DCAF5: variants seen among roughly 807,000 people sequenced by gnomAD.
DCAF5 encodes the protein DDB1- and CUL4-associated factor 5.
A neutral mutation model predicts 80.7 loss-of-function variants in DCAF5; 9 were observed. That is an observed-to-expected ratio of 0.11 (90% CI 0.07 to 0.19). The LOEUF (loss-of-function observed/expected upper bound fraction) is 0.19. Among genes scored for constraint, DCAF5 ranks in the 10% least tolerant of loss-of-function variants. The pLI, the probability that DCAF5 is intolerant of heterozygous loss-of-function variation, is 1.00. For missense variants in DCAF5, 842 were observed against 1,205.7 expected (o/e 0.70, Z 4.47); for synonymous variants, 433 against 461.9 (o/e 0.94, Z 0.80).
intron 5 of DCAF5, among the ~76,000 whole-genome samples, chr14:69,097,342 ATCACC>A (rs2039757979): frequency 1.3e-5 from 2 of 152,110 alleles, no homozygotes; most frequent in South Asian, 4.1e-4. Context: ...AAAAACCAAA[ATCACC>A]TCTAGTTGGC....
At position 69,122,284 on chromosome 14, in the gene DCAF5, T is replaced by A. The variant is rs756945340; in HGVS notation, c.291A>T (p.Lys97Asn). ...IHSRVKPIQL[K>N]GEHHSNIFCL... ...AAAAAATGTTGGAATGGTGCTCTCC[T>A]TTCAGCTGTATGGGCTTGACCCTGG... Residue 97 changes from lysine (K) to asparagine (N), a missense_variant, in exon 2 of 9, where the codon AAA (lysine) becomes AAT (asparagine). By Grantham distance (94) the Lys-to-Asn change is moderately conservative. Transcript: ENST00000341516. The A allele has an allele frequency of 2.2e-5, 35 of 1,613,958 alleles. No individual in the cohort carries two copies. The highest frequency in any genetic ancestry group is 2.9e-5 in the Non-Finnish European group (34 of 1,179,968).
chr14:69,104,008 G>A (rs2040050726), intron 5 of DCAF5, among the ~76,000 whole-genome samples: 1 of 152,150 alleles, frequency 6.6e-6, no homozygotes, highest in Admixed American at 6.5e-5. Context: ...TGAAGGACAT[G>A]TGAGTAGTTT....
At chr14:69,133,224 T>C (rs976941175) in intron 1 of DCAF5, among the ~76,000 whole-genome samples, 9 of 152,188 alleles carry the variant, frequency 5.9e-5, no homozygotes, top group East Asian at 1.9e-4. Context: ...AGAGTCATTG[T>C]TGGCATCTGA....
intron 4 of DCAF5, among the ~76,000 whole-genome samples, chr14:69,117,869 C>G (rs1162964315): frequency 6.6e-6 from 1 of 152,166 alleles, no homozygotes; most frequent in Non-Finnish European, 1.5e-5. Flanking sequence ...ACCACAACTT[C>G]TGCTCCTTGG....
chr14:69,130,373 G>T (rs144801049), intron 1 of DCAF5, among the ~76,000 whole-genome samples: 25 of 152,306 alleles, frequency 1.6e-4, no homozygotes, highest in Admixed American at 3.9e-4. Flanking sequence ...ACTTACATGA[G>T]GAATAGTCAA....
At position 69,053,595 on chromosome 14, in the gene DCAF5, A is replaced by ACTACGCT. The variant is rs2037829912; in HGVS notation, c.*255_*261dup. The stretch of plus-strand genomic sequence containing the variant: ...ACTTCCACAGAGCCTTGCGCGGCAC[A>ACTACGCT]CTACGCTCACGTCTCACTAGAAAGG... On this transcript the variant is annotated 3_prime_UTR_variant, in exon 9 of 9. Coordinates refer to ENST00000341516, the MANE Select transcript of DCAF5 (RefSeq NM_003861.3). 2.3e-5 allele frequency: 10 copies of ACTACGCT among 441,174 alleles called. No homozygotes were observed. Among genetic ancestry groups the ACTACGCT allele is most frequent in the Admixed American group, 8.2e-5 (2 of 24,292 alleles). 27.3% of individuals were successfully genotyped at this position (441,174 alleles called of 1,614,324 possible).
At chr14:69,109,762 T>C (rs895421840) in intron 5 of DCAF5, among the ~76,000 whole-genome samples, 2 of 152,266 alleles carry the variant, frequency 1.3e-5, no homozygotes, top group Non-Finnish European at 2.9e-5. Context: ...TTGTGGCTAT[T>C]ATAAATAAAG....
At position 69,105,925 on chromosome 14, in the gene DCAF5, ATATATATATATATATATAT is replaced by A. The variant is rs1452807580; in HGVS notation, c.665+10422_665+10440del. On this transcript the variant is annotated intron_variant, in intron 5 of 8. Transcript: ENST00000341516. ...CCCTAATAAACTGTCATATATATAT[ATATATATATATATATATAT>A]ATCTCCTATTGGTTCTGTTCCTCTG... Among the ~76,000 whole-genome samples, 4 of 78,136 alleles carry A rather than the reference ATATATATATATATATATAT, an allele frequency of 5.1e-5. 1 individual carries two copies. Among genetic ancestry groups the A allele is most frequent in the Admixed American group, 2.4e-4 (2 of 8,230 alleles). The allele number at this position is 78,136 out of a possible 152,430, so 51.3% of individuals were successfully genotyped here. A position where few individuals can be genotyped will look rare whatever the true frequency, so the allele number is the denominator to read the frequency against.
chr14:69,141,263 G>C (rs2041365655), intron 1 of DCAF5, among the ~76,000 whole-genome samples: 1 of 151,920 alleles, frequency 6.6e-6, no homozygotes, highest in Admixed American at 6.6e-5. Context: ...TAAGAGACTG[G>C]GGTTTTGGTT....
intron 5 of DCAF5, 143 bp from the exon 6 acceptor site, chr14:69,092,030 G>A (rs943624704): frequency 3.0e-6 from 2 of 671,284 alleles, no homozygotes; most frequent in African/African-American, 1.8e-5. Context: ...CTAGAATAAT[G>A]AGGGTAGCAA....
At chr14:69,130,041 T>C (rs2040995146) in intron 1 of DCAF5, among the ~76,000 whole-genome samples, 1 of 152,210 alleles carries the variant, frequency 6.6e-6, no homozygotes, top group Non-Finnish European at 1.5e-5. Context: ...ACTTAAAGAG[T>C]ACCCTTTCCC....
Position 69,152,525 on chromosome 14 carries a change from C to T in DCAF5, c.214+240G>A. The T allele has an allele frequency of 3.7e-6, 2 of 542,836 alleles. No homozygotes were observed. Among genetic ancestry groups the T allele is most frequent in the Admixed American group, 3.2e-5 (1 of 31,512 alleles). 33.6% of individuals were successfully genotyped at this position (542,836 alleles called of 1,614,324 possible). A position where few individuals can be genotyped will look rare whatever the true frequency, so the allele number is the denominator to read the frequency against. On this transcript the variant is annotated intron_variant, in intron 1 of 8. Coordinates refer to ENST00000341516, the MANE Select transcript of DCAF5 (RefSeq NM_003861.3). This position sits in a 1 kb window ranked among gnomAD's most constrained non-coding sequence, Gnocchi z 4.1. ...AGGCATCAGGAGAGATCACTTTGCACTTGGGATAAAGCGAATTAAGGAGCT... is the reference window on the plus strand; with the variant it reads ...AGGCATCAGGAGAGATCACTTTGCATTTGGGATAAAGCGAATTAAGGAGCT...
At position 69,137,569 on chromosome 14, in the gene DCAF5, T is replaced by A. The variant is rs575715086; in HGVS notation, c.214+15196A>T. On this transcript the variant is annotated intron_variant, in intron 1 of 8. Coordinates refer to ENST00000341516, the MANE Select transcript of DCAF5 (RefSeq NM_003861.3). ...CTTTGGCAATTCTAAAAAGACTGAA[T>A]CAGTGAAGGCCCTAACACTTCTAGG... 2.9e-4 allele frequency among the ~76,000 whole-genome samples: 44 copies of A among 152,248 alleles called. No individual in the cohort carries two copies. The East Asian group carries it at 8.1e-3, about 28-fold the overall frequency.
Position 69,118,458 on chromosome 14 carries a change from G to A in DCAF5, c.396-180C>T, listed in dbSNP as rs889703442. ...TAGTCAACTTTCAGGTTAAAAAAAA[G>A]GTACTATTAAGGAGTCTTTTTAGAG... On this transcript the variant is annotated intron_variant, in intron 3 of 8. Coordinates refer to ENST00000341516, the MANE Select transcript of DCAF5 (RefSeq NM_003861.3). This position sits in a 1 kb window ranked among gnomAD's most constrained non-coding sequence, Gnocchi z 4.0. 6.6e-6 allele frequency among the ~76,000 whole-genome samples: 1 copy of A among 152,054 alleles called. No homozygotes were observed. The highest frequency in any genetic ancestry group is 2.4e-5 in the African/African-American group (1 of 41,374).
At chr14:69,127,621 G>T (rs1056340674) in intron 1 of DCAF5, among the ~76,000 whole-genome samples, 1 of 152,094 alleles carries the variant, frequency 6.6e-6, no homozygotes, top group African/African-American at 2.4e-5. Context: ...GAACTCTAAG[G>T]TTCATTTTTT....
chr14:69,090,951 T>C, intron 6 of DCAF5: 1 of 624,928 alleles, frequency 1.6e-6, no homozygotes, highest in Non-Finnish European at 2.9e-6. Flanking sequence ...TTTCTTCCCA[T>C]TTGTCTTTCC....
At chr14:69,090,745 A>G (rs2039502970) in intron 6 of DCAF5, 1 of 183,252 alleles carries the variant, frequency 5.5e-6, no homozygotes. Flanking sequence ...ATAACTCTAA[A>G]GAGGTGGGGT....
chr14:69,084,237 G>A, intron 6 of DCAF5: 1 of 1,012,378 alleles, frequency 9.9e-7, no homozygotes, highest in Non-Finnish European at 1.6e-6. Context: ...TTGATAATGG[G>A]TGGCAGTAAT....
At position 69,055,025 on chromosome 14, in the gene DCAF5, C is replaced by G. The variant is rs1054275180; in HGVS notation, c.1661G>C (p.Ser554Thr). 3 of 1,614,110 alleles carry G rather than the reference C, an allele frequency of 1.9e-6. No homozygotes were observed. The highest frequency in any genetic ancestry group is 2.5e-6 in the Non-Finnish European group (3 of 1,180,046). The change falls in exon 9 of 9, where the codon AGC becomes ACC. Residue 554 changes from serine to threonine, a missense_variant. Physicochemically the swap from Ser to Thr is moderately conservative, Grantham distance 58. Transcript: ENST00000341516. The surrounding 1 kb of genome is among the most constrained non-coding windows in gnomAD (Gnocchi z 5.6). The stretch of plus-strand genomic sequence containing the variant: ...GGAACTGCTGGATTCATCTTCGGGG[C>G]TGGGTGACCGTGGCCGGGGAAAGAG... ...TDLFPRPRSPSPEDESSSSSS... is the reference protein window; with the variant it reads ...TDLFPRPRSPTPEDESSSSSS...
Sources: allele counts gnomAD v4.1 joint callset (sites outside exome capture counted in the v4.1 genomes callset), GRCh38; gene constraint gnomAD v4.1.1; non-coding constraint Gnocchi (gnomAD v3.1); transcripts MANE v1.5; gene names NCBI Gene and HGNC (gene_info 2026-07-23, HGNC 2026-07-21).